Variants in GRM5 observed in about 807,000 individuals in gnomAD.
The protein encoded by GRM5 is metabotropic glutamate receptor 5.
GRM5 carries 19 observed loss-of-function variants against 83.1 expected under a neutral mutation model. The ratio of observed to expected loss-of-function variants is 0.23; its 90% CI spans 0.16 to 0.34. The LOEUF is 0.34. Among genes scored for constraint, GRM5 ranks in the 10% least tolerant of loss-of-function variants. The probability of loss-of-function intolerance (pLI) is 1.00; values close to 1 mark genes in which losing one functional copy is unlikely to be tolerated. For synonymous variants in GRM5, 675 were observed against 633.6 expected (o/e 1.07, Z -0.98); for missense variants, 1,160 against 1,588.3 (o/e 0.73, Z 4.58).
At chr11:89,032,708 G>A (rs1452303752) in intron 2 of GRM5, among the ~76,000 whole-genome samples, 1 of 151,998 alleles carries the variant, frequency 6.6e-6, no homozygotes, top group Non-Finnish European at 1.5e-5. Context: ...TAGGGAACTT[G>A]CCTCATTTCC....
At chr11:88,917,055 A>C (rs1393553260) in intron 2 of GRM5, among the ~76,000 whole-genome samples, 2 of 152,210 alleles carry the variant, frequency 1.3e-5, no homozygotes, top group Non-Finnish European at 2.9e-5. Flanking sequence ...TGCTAGCCTC[A>C]GCTGTGACCA....
At chr11:88,822,963 C>T (rs866761945) in intron 3 of GRM5, among the ~76,000 whole-genome samples, 17 of 151,918 alleles carry the variant, frequency 1.1e-4, no homozygotes, top group African/African-American at 2.9e-4. Context: ...AATTCATGTT[C>T]TTCAGTTCTG....
rs1201443256 is a variant in GRM5 at position 88,508,970 on chromosome 11, G to A, written c.3261C>T (p.Pro1087=). 1.9e-6 allele frequency: 3 copies of A among 1,586,740 alleles called. No individual in the cohort carries two copies. Among genetic ancestry groups the A allele is most frequent in the South Asian group, 1.2e-5 (1 of 86,942 alleles). Reference sequence around the variant, plus strand: ...ACGAGCAGAGCGGGGCGCCGACGCCGGGGCTGGGGGCCGCGGTGGACAGCA... The same window carrying A: ...ACGAGCAGAGCGGGGCGCCGACGCCAGGGCTGGGGGCCGCGGTGGACAGCA... ...SMMLSTAAPS[P]GVGAPLCSSY... The change falls in exon 10 of 10, where the codon CCC becomes CCT. Residue 1087 remains proline (P), a synonymous_variant. Transcript: ENST00000305447. This position sits in a 1 kb window ranked among gnomAD's most constrained non-coding sequence, Gnocchi z 4.2.
At chr11:88,712,309 A>G (rs10831303) in intron 3 of GRM5, among the ~76,000 whole-genome samples, 38,290 of 151,900 alleles carry the variant, frequency 0.25, 4,980 homozygotes, top group Middle Eastern at 0.3. Flanking sequence ...GACATCCCAT[A>G]TATGTCCTAC....
At chr11:89,024,100 C>A (rs2135113832) in intron 2 of GRM5, among the ~76,000 whole-genome samples, 1 of 152,024 alleles carries the variant, frequency 6.6e-6, no homozygotes, top group South Asian at 2.1e-4. Flanking sequence ...TCTATAATCC[C>A]AGTTACTCGG....
intron 2 of GRM5, among the ~76,000 whole-genome samples, chr11:88,851,803 G>A (rs1590912442): frequency 6.6e-6 from 1 of 152,222 alleles, no homozygotes; most frequent in Middle Eastern, 3.4e-3. Flanking sequence ...AATACTGGTG[G>A]GCCAGCTGCA....
chr11:88,580,610 T>C lies in GRM5; in HGVS notation c.1690+9991A>G, dbSNP rs140865580. Among the ~76,000 whole-genome samples, 1,121 of 152,308 alleles carry C rather than the reference T, an allele frequency of 7.4e-3. 11 individuals are homozygous for C. Among genetic ancestry groups the C allele is most frequent in the African/African-American group, 0.026 (1,083 of 41,564 alleles). On this transcript the variant is annotated intron_variant, in intron 7 of 9. Coordinates refer to ENST00000305447, the MANE Select transcript of GRM5 (RefSeq NM_001143831.3). Reference sequence around the variant, plus strand: ...AGATAGAAAAACAAATGGCAGGTGCTGTGTAGTATTGTCACGGCTTACGGC... The same window carrying C: ...AGATAGAAAAACAAATGGCAGGTGCCGTGTAGTATTGTCACGGCTTACGGC...
rs531184618 is a variant in GRM5 at position 88,876,710 on chromosome 11, C to A, written c.662-26555G>T. On this transcript the variant is annotated intron_variant, in intron 2 of 9. Transcript: ENST00000305447. ...AACTTCAATATTGTTCTGTCTCTGA[C>A]AACAGGGAAGCCCCAAGGAGCAGGA... Among the ~76,000 whole-genome samples the A allele has an allele frequency of 2.0e-5, 3 of 152,144 alleles. No homozygotes were observed. The South Asian group carries it at 6.2e-4, about 32-fold the overall frequency.
At chr11:88,920,824 C>G (rs1282655783) in intron 2 of GRM5, among the ~76,000 whole-genome samples, 1 of 152,164 alleles carries the variant, frequency 6.6e-6, no homozygotes, top group African/African-American at 2.4e-5. Flanking sequence ...AACCCTTGTT[C>G]TCTGAGAGCC....
intron 3 of GRM5, among the ~76,000 whole-genome samples, chr11:88,669,092 T>G (rs10765691): frequency 0.29 from 43,838 of 152,026 alleles, 6,485 homozygotes; most frequent in African/African-American, 0.35. Context: ...TACACCCTCA[T>G]GTTCATTGCA....
intron 3 of GRM5, among the ~76,000 whole-genome samples, chr11:88,798,299 C>G (rs955963523): frequency 2.0e-5 from 3 of 152,132 alleles, no homozygotes; most frequent in African/African-American, 4.8e-5. Flanking sequence ...TGAGGGCAGG[C>G]ACTATGTCCA....
chr11:88,823,364 ATAT>A (rs1186684929), intron 3 of GRM5, among the ~76,000 whole-genome samples: 2 of 151,650 alleles, frequency 1.3e-5, no homozygotes, highest in Non-Finnish European at 2.9e-5. Context: ...GTGTTTAAGG[ATAT>A]TATTATTAGT....
intron 2 of GRM5, among the ~76,000 whole-genome samples, chr11:89,009,296 C>A (rs1330102660): frequency 6.6e-6 from 1 of 152,048 alleles, no homozygotes; most frequent in Non-Finnish European, 1.5e-5. Context: ...CTTTGGTATT[C>A]CTTAACCTTT....
At chr11:88,866,997 T>C (rs1376456617) in intron 2 of GRM5, among the ~76,000 whole-genome samples, 1 of 152,042 alleles carries the variant, frequency 6.6e-6, no homozygotes, top group Non-Finnish European at 1.5e-5. Context: ...GTCAGGTTTG[T>C]CAAAGATCAG....
intron 2 of GRM5, among the ~76,000 whole-genome samples, chr11:88,870,270 A>G (rs754207839): frequency 2.0e-5 from 3 of 151,590 alleles, no homozygotes; most frequent in Non-Finnish European, 4.4e-5. Flanking sequence ...CAGAGTTGCA[A>G]CCTAGTAATA....
intron 9 of GRM5, among the ~76,000 whole-genome samples, chr11:88,521,958 G>T (rs1199927914): frequency 6.6e-6 from 1 of 152,142 alleles, no homozygotes; most frequent in African/African-American, 2.4e-5. Flanking sequence ...TTGGCTCTGG[G>T]ATAATCATCC....
intron 2 of GRM5, among the ~76,000 whole-genome samples, chr11:88,879,490 T>C (rs1204737986): frequency 6.6e-6 from 1 of 151,712 alleles, no homozygotes; most frequent in Non-Finnish European, 1.5e-5. Flanking sequence ...TAATGGACAA[T>C]AGCAAATTTC....
At chr11:88,806,136 G>A (rs1871052) in intron 3 of GRM5, among the ~76,000 whole-genome samples, 41,012 of 152,046 alleles carry the variant, frequency 0.27, 5,943 homozygotes, top group South Asian at 0.54. Context: ...AAACTTTGTG[G>A]TTCTTAACTA....
chr11:88,660,845 C>T lies in GRM5; in HGVS notation c.912-7442G>A, dbSNP rs539215193. ...ACAGAGTGCCATTCTTTTAACTTCT[C>T]ACATGTTTTCTGATTTGATAAAATG... On this transcript the variant is annotated intron_variant, in intron 3 of 9. Transcript: ENST00000305447. Among the ~76,000 whole-genome samples, 8 of 152,282 alleles carry T rather than the reference C, an allele frequency of 5.3e-5. No individual in the cohort carries two copies. The East Asian group carries it at 1.3e-3, about 26-fold the overall frequency.
Sources: gnomAD v4.1 joint callset for allele counts (sites outside exome capture counted in the v4.1 genomes callset) on GRCh38, gnomAD v4.1.1 for gene constraint, Gnocchi (gnomAD v3.1) non-coding constraint, MANE v1.5 for transcripts, NCBI Gene and HGNC (gene_info 2026-07-23, HGNC 2026-07-21) for gene names.